Variants in SEMA3B observed in about 807,000 individuals in gnomAD.
The protein encoded by SEMA3B is semaphorin-3B.
SEMA3B carries 71 observed loss-of-function variants against 77.8 expected under a neutral mutation model. The ratio of observed to expected loss-of-function variants is 0.91; its 90% CI spans 0.75 to 1.11. SEMA3B has a LOEUF of 1.11. SEMA3B is among the 50% of genes most tolerant of loss of function. The pLI is 0.00. For missense variants in SEMA3B, 968 were observed against 1,056.8 expected (o/e 0.92, Z 1.17); for synonymous variants, 470 against 452.9 (o/e 1.04, Z -0.48).
In SEMA3B at chr3:50,276,619, G is replaced by C. The variant is rs782543889; in HGVS notation, c.2163G>C (p.Leu721=). The C allele has an allele frequency of 3.1e-5, 49 of 1,591,392 alleles. No individual in the cohort carries two copies. Among genetic ancestry groups the C allele is most frequent in the Non-Finnish European group, 4.1e-5 (48 of 1,174,090 alleles). ...AGCCTGCGCTGCAGTCACTGCCCCTGGAGTCGCGGAGAAAGGGCCGTAACC... is the reference window on the plus strand; with the variant it reads ...AGCCTGCGCTGCAGTCACTGCCCCTCGAGTCGCGGAGAAAGGGCCGTAACC... ...RPQPALQSLP[L]ESRRKGRNRR... Residue 721 remains leucine (L), a synonymous_variant, in exon 17 of 17, where the codon CTG becomes CTC. Transcript: ENST00000616701. This position sits in a 1 kb window ranked among gnomAD's most constrained non-coding sequence, Gnocchi z 5.8.
rs368328009 is a variant in SEMA3B at position 50,275,614 on chromosome 3, A to T, written c.1704A>T (p.Gly568=). ...GCGACCCCAGCACGTTGTGCTCCGG[A>T]GGTGAGTGCCCCAGCTGCCCCTACC... ...RNGDPSTLCS[G]DSSRPALLEH... is the part of the protein sequence containing the mutation. The change falls in exon 15 of 17, where the codon GGA becomes GGT. Residue 568 remains glycine, a splice_region_variant and synonymous_variant. Transcript: ENST00000616701. The surrounding 1 kb of genome is among the most constrained non-coding windows in gnomAD (Gnocchi z 7.5). 3 of 1,613,688 alleles carry T rather than the reference A, an allele frequency of 1.9e-6. No individual in the cohort carries two copies. Among genetic ancestry groups the T allele is most frequent in the Non-Finnish European group, 1.7e-6 (2 of 1,179,846 alleles).
chr3:50,274,067 C>T lies in SEMA3B; in HGVS notation c.1137+10C>T. 2 of 1,611,984 alleles carry T rather than the reference C, an allele frequency of 1.2e-6. No homozygotes were observed. Among genetic ancestry groups the T allele is most frequent in the Non-Finnish European group, 1.7e-6 (2 of 1,179,330 alleles). On this transcript the variant is annotated intron_variant, in intron 10 of 16. Transcript: ENST00000616701. This position sits in a 1 kb window ranked among gnomAD's most constrained non-coding sequence, Gnocchi z 4.7. ...CCCGCGGCCAGGCATGGTTCGTAGC[C>T]CAGGGACTTCTGCTACAACCCACTT...
Position 50,275,546 on chromosome 3 carries a change from G to T in SEMA3B, c.1650-14G>T, listed in dbSNP as rs587694190. The T allele has an allele frequency of 1.2e-6, 2 of 1,613,746 alleles. No homozygotes were observed. The highest frequency in any genetic ancestry group is 2.2e-5 in the South Asian group (2 of 91,088). The stretch of plus-strand genomic sequence containing the variant: ...TGAAAGAAGGGCTCACAGAAGATCG[G>T]ATGTTCCCCACAGGCGGTTCCGGCG... On this transcript the variant is annotated splice_polypyrimidine_tract_variant and intron_variant, in intron 14 of 16. Transcript: ENST00000616701. This position sits in a 1 kb window ranked among gnomAD's most constrained non-coding sequence, Gnocchi z 7.5.
chr3:50,276,181 G>A lies in SEMA3B; in HGVS notation c.1846-121G>A. On this transcript the variant is annotated intron_variant, in intron 16 of 16. Transcript: ENST00000616701. This position sits in a 1 kb window ranked among gnomAD's most constrained non-coding sequence, Gnocchi z 5.8. ...TCAGCCTTAAAATGTGCGCCTGCGG[G>A]CACCCCTTTCCCGCTCCACCTCGGC... 1 of 1,287,338 alleles carries A rather than the reference G, an allele frequency of 7.8e-7. No homozygotes were observed. The highest frequency in any genetic ancestry group is 1.0e-6 in the Non-Finnish European group (1 of 974,048). The allele number at this position is 1,287,338 out of a possible 1,614,324, so 79.7% of individuals were successfully genotyped here.
In SEMA3B at chr3:50,273,500, G is replaced by T. The variant is rs1553705808; in HGVS notation, c.811-35G>T. The T allele has an allele frequency of 6.2e-7, 1 of 1,610,078 alleles. No individual in the cohort carries two copies. Among genetic ancestry groups the T allele is most frequent in the Admixed American group, 1.7e-5 (1 of 59,902 alleles). On this transcript the variant is annotated intron_variant, in intron 7 of 16. Coordinates refer to ENST00000616701, the MANE Select transcript of SEMA3B (RefSeq NM_001290060.2). The surrounding 1 kb of genome is among the most constrained non-coding windows in gnomAD (Gnocchi z 6.5). Reference sequence around the variant, plus strand: ...CTGCCCCTACCCCTTTGCCTGCCCTGGTCTCGCCCTCATCCCCTTTGATCG... The same window carrying T: ...CTGCCCCTACCCCTTTGCCTGCCCTTGTCTCGCCCTCATCCCCTTTGATCG...
In SEMA3B at chr3:50,274,308, C is replaced by T; in HGVS notation, c.1138-55C>T. On this transcript the variant is annotated intron_variant, in intron 10 of 16. Coordinates refer to ENST00000616701, the MANE Select transcript of SEMA3B (RefSeq NM_001290060.2). This position sits in a 1 kb window ranked among gnomAD's most constrained non-coding sequence, Gnocchi z 4.7. ...CCAGAGGCTGGGCATGGAGGGCTGC[C>T]TATCAAGCCCCCATATCTATATCCC... The T allele has an allele frequency of 7.3e-7, 1 of 1,363,292 alleles. No homozygotes were observed. Among genetic ancestry groups the T allele is most frequent in the Non-Finnish European group, 1.0e-6 (1 of 1,004,696 alleles). The allele number at this position is 1,363,292 out of a possible 1,614,324, so 84.4% of individuals were successfully genotyped here.
In SEMA3B at chr3:50,271,122, AG is replaced by A; in HGVS notation, c.487del (p.Asp163MetfsTer42). The A allele has an allele frequency of 6.3e-7, 1 of 1,584,916 alleles. No homozygotes were observed. The highest frequency in any genetic ancestry group is 8.6e-7 in the Non-Finnish European group (1 of 1,165,682). ...PVLRLDPGRI[E>X]DGKGKSPYDP... is the part of the protein sequence containing the mutation. ...CTCCGGCTGGACCCAGGAAGGATAGAGGATGGCAAGGGGAAGAGTCCTTATG... is the reference window on the plus strand; with the variant it reads ...CTCCGGCTGGACCCAGGAAGGATAGAGATGGCAAGGGGAAGAGTCCTTATG... On this transcript the variant is annotated frameshift_variant, in exon 5 of 17. Coordinates refer to ENST00000616701, the MANE Select transcript of SEMA3B (RefSeq NM_001290060.2). LOFTEE classifies it high-confidence loss of function.
In SEMA3B at chr3:50,269,629, A is replaced by G. The variant is rs1700991055; in HGVS notation, c.109+280A>G. Among the ~76,000 whole-genome samples, 1 of 152,140 alleles carries G rather than the reference A, an allele frequency of 6.6e-6. No homozygotes were observed. Among genetic ancestry groups the G allele is most frequent in the Admixed American group, 6.5e-5 (1 of 15,280 alleles). The stretch of plus-strand genomic sequence containing the variant: ...TCCGTTCAGTACCCCCAACAAGGCG[A>G]TACTCCTTCAGCAGAGCAACAGGGA... On this transcript the variant is annotated intron_variant, in intron 1 of 16. Coordinates refer to ENST00000616701, the MANE Select transcript of SEMA3B (RefSeq NM_001290060.2). This position sits in a 1 kb window ranked among gnomAD's most constrained non-coding sequence, Gnocchi z 4.0.
In SEMA3B at chr3:50,275,239, T is replaced by C. The variant is rs1311102045; in HGVS notation, c.1492-63T>C. On this transcript the variant is annotated intron_variant, in intron 13 of 16. Transcript: ENST00000616701. This position sits in a 1 kb window ranked among gnomAD's most constrained non-coding sequence, Gnocchi z 7.5. ...TCTGTCGAGTGGAAGAAGGGATCCCTGACCGATGGGAGGCAGGCGTGGGGT... is the reference window on the plus strand; with the variant it reads ...TCTGTCGAGTGGAAGAAGGGATCCCCGACCGATGGGAGGCAGGCGTGGGGT... 1 of 1,473,078 alleles carries C rather than the reference T, an allele frequency of 6.8e-7. No homozygotes were observed. The highest frequency in any genetic ancestry group is 1.4e-5 in the African/African-American group (1 of 71,172). The allele number at this position is 1,473,078 out of a possible 1,614,324, so 91.3% of individuals were successfully genotyped here.
At chr3:50,264,109 T>C (rs1575462168), upstream of SEMA3B, among the ~76,000 whole-genome samples, 1 of 151,478 alleles carries the variant, frequency 6.6e-6, no homozygotes, top group Non-Finnish European at 1.5e-5. Flanking sequence ...ACTCAGGAGG[T>C]TGAGGTGGGA....
Position 50,274,574 on chromosome 3 carries a change from T to G in SEMA3B, c.1349T>G (p.Ile450Ser). 6.5e-7 allele frequency: 1 copy of G among 1,536,470 alleles called. No homozygotes were observed. The highest frequency in any genetic ancestry group is 1.8e-4 in the Middle Eastern group (1 of 5,694). ...AADGHYDVLF[I>S]GTDVGTVLKV... ...GACGGACACTATGACGTCCTCTTCA[T>G]TGGCACAGGTCAGGGTCCCTCCACA... is the stretch of plus-strand genomic sequence containing the variant. Residue 450 changes from isoleucine (I) to serine (S), a missense_variant, in exon 11 of 17, where the codon ATT becomes AGT. Coordinates refer to ENST00000616701, the MANE Select transcript of SEMA3B (RefSeq NM_001290060.2). The surrounding 1 kb of genome is among the most constrained non-coding windows in gnomAD (Gnocchi z 4.7).
chr3:50,260,231 A>C, the SEMA3B span: 2 of 152,110 alleles, frequency 1.3e-5, no homozygotes, highest in Admixed American at 6.5e-5. Context: ...GCTGGACACA[A>C]AGGCAGCTTT....
chr3:50,274,819 C>T lies in SEMA3B; in HGVS notation c.1358-24C>T. 1.9e-6 allele frequency: 3 copies of T among 1,607,088 alleles called. No individual in the cohort carries two copies. The highest frequency in any genetic ancestry group is 2.5e-6 in the Non-Finnish European group (3 of 1,177,776). ...CCAGCTGTCCGGGAGCACCAATGGT[C>T]ATTACCCCTTCTCATCCCTGCAGAC... On this transcript the variant is annotated intron_variant, in intron 11 of 16. Coordinates refer to ENST00000616701, the MANE Select transcript of SEMA3B (RefSeq NM_001290060.2). This position sits in a 1 kb window ranked among gnomAD's most constrained non-coding sequence, Gnocchi z 4.7.
Position 50,274,945 on chromosome 3 carries a change from AC to A in SEMA3B, c.1449+16del. ...CTGCACGTGTTTGAGGTGAGGCCTC[AC>A]CCCCAGTCGCCCGGGACCCCCCCAC... On this transcript the variant is annotated intron_variant, in intron 12 of 16. Transcript: ENST00000616701. This position sits in a 1 kb window ranked among gnomAD's most constrained non-coding sequence, Gnocchi z 4.7. The A allele has an allele frequency of 2.5e-6, 4 of 1,603,958 alleles. No individual in the cohort carries two copies. The highest frequency in any genetic ancestry group is 3.4e-6 in the Non-Finnish European group (4 of 1,176,876).
In SEMA3B at chr3:50,275,307, G is replaced by T; in HGVS notation, c.1497G>T (p.Gln499His). ...TSMQISSKRH[Q>H]LYVASRSAVA... ...GAGCCCCTCGTGCCCCCTAGCACCA[G>T]CTGTACGTAGCCTCGCGGAGCGCGG... Residue 499 changes from glutamine (Q) to histidine (H), a missense_variant, in exon 14 of 17, where the codon CAG (glutamine) becomes CAT (histidine). By Grantham distance (24) the Gln-to-His change is conservative (BLOSUM62 0). Coordinates refer to ENST00000616701, the MANE Select transcript of SEMA3B (RefSeq NM_001290060.2). The surrounding 1 kb of genome is among the most constrained non-coding windows in gnomAD (Gnocchi z 7.5). 1 of 1,566,054 alleles carries T rather than the reference G, an allele frequency of 6.4e-7. No individual in the cohort carries two copies.
chr3:50,267,574 C>G (rs1485714856), upstream of SEMA3B: 2 of 152,258 alleles, frequency 1.3e-5, no homozygotes, highest in African/African-American at 4.8e-5. This position sits in a 1 kb window ranked among gnomAD's most constrained non-coding sequence, Gnocchi z 5.7. Flanking sequence ...TACGGCACGG[C>G]GGGCGGTGCG....
In SEMA3B at chr3:50,269,218, C is replaced by T; in HGVS notation, c.-23C>T. On this transcript the variant is annotated 5_prime_UTR_variant, in exon 1 of 17. Coordinates refer to ENST00000616701, the MANE Select transcript of SEMA3B (RefSeq NM_001290060.2). This position sits in a 1 kb window ranked among gnomAD's most constrained non-coding sequence, Gnocchi z 4.0. Reference sequence around the variant, plus strand: ...TCCTCCACACACACACCCGCTGAACCCTGAGCACCCTGAGCTGCTGAGATG... The same window carrying T: ...TCCTCCACACACACACCCGCTGAACTCTGAGCACCCTGAGCTGCTGAGATG... 1 of 1,509,886 alleles carries T rather than the reference C, an allele frequency of 6.6e-7. No individual in the cohort carries two copies. The highest frequency in any genetic ancestry group is 1.2e-5 in the South Asian group (1 of 83,398). The allele number at this position is 1,509,886 out of a possible 1,614,324, so 93.5% of individuals were successfully genotyped here.
chr3:50,273,124 C>A lies in SEMA3B; in HGVS notation c.665-174C>A. On this transcript the variant is annotated intron_variant, in intron 6 of 16. Coordinates refer to ENST00000616701, the MANE Select transcript of SEMA3B (RefSeq NM_001290060.2). This position sits in a 1 kb window ranked among gnomAD's most constrained non-coding sequence, Gnocchi z 6.5. Reference sequence around the variant, plus strand: ...TGCTTCTTGCCTCGCAGGCCCTGATCCTTTGGATTCGGTCCGCGCAGAGCG... The same window carrying A: ...TGCTTCTTGCCTCGCAGGCCCTGATACTTTGGATTCGGTCCGCGCAGAGCG... The A allele has an allele frequency of 9.4e-7, 1 of 1,060,250 alleles. No individual in the cohort carries two copies. The highest frequency in any genetic ancestry group is 1.3e-6 in the Non-Finnish European group (1 of 752,340). The allele number at this position is 1,060,250 out of a possible 1,614,324, so 65.7% of individuals were successfully genotyped here. A position where few individuals can be genotyped will look rare whatever the true frequency, so the allele number is the denominator to read the frequency against.
At chr3:50,271,907 C>T (rs1701065363) in intron 6 of SEMA3B, among the ~76,000 whole-genome samples, 1 of 152,154 alleles carries the variant, frequency 6.6e-6, no homozygotes, top group Admixed American at 6.6e-5. Flanking sequence ...GATGCAAGAA[C>T]AAGCAAAGGA....
Sources: allele counts gnomAD v4.1 joint callset (sites outside exome capture counted in the v4.1 genomes callset), GRCh38; gene constraint gnomAD v4.1.1; non-coding constraint Gnocchi (gnomAD v3.1); transcripts MANE v1.5; gene names NCBI Gene and HGNC (gene_info 2026-07-23, HGNC 2026-07-21).